Variants in BAALC observed in about 807,000 individuals in gnomAD.
BAALC encodes the protein brain and acute leukemia cytoplasmic protein.
A neutral mutation model predicts 15.5 loss-of-function variants in BAALC; 9 were observed. The ratio of observed to expected loss-of-function variants is 0.58; its 90% CI spans 0.35 to 1.02. BAALC has a LOEUF of 1.02. BAALC is among the 50% of genes least tolerant of loss of function. The pLI, the probability that BAALC is intolerant of heterozygous loss-of-function variation, is 0.02. For missense variants in BAALC, 201 were observed against 192.4 expected (o/e 1.04, Z -0.27); for synonymous variants, 80 against 74.6 (o/e 1.07, Z -0.37).
At position 103,209,312 on chromosome 8, in the gene BAALC, C is replaced by T. The variant is rs149403878; in HGVS notation, c.161-3607C>T. 8.2e-3 allele frequency among the ~76,000 whole-genome samples: 1,253 copies of T among 152,150 alleles called. 16 individuals carry two copies. Among genetic ancestry groups the T allele is most frequent in the African/African-American group, 0.028 (1,175 of 41,480 alleles). On this transcript the variant is annotated intron_variant, in intron 1 of 2. Transcript: ENST00000309982. ...GCTTGAACCCAGGAGGCAGAGGCTG[C>T]AGTGAGTTGAGATCATGCCACTGCA... is the stretch of plus-strand genomic sequence containing the variant.
intron 1 of BAALC, chr8:103,202,965 T>C (rs1233576774): frequency 6.6e-6 from 1 of 152,278 alleles, no homozygotes; most frequent in East Asian, 1.9e-4. Flanking sequence ...GTGAGATTTT[T>C]ACTTTTCCTT....
chr8:103,197,261 C>T (rs536483968), intron 1 of BAALC, among the ~76,000 whole-genome samples: 9 of 152,110 alleles, frequency 5.9e-5, no homozygotes, highest in East Asian at 1.9e-4. Flanking sequence ...CAGATCTGGG[C>T]GGAAGCCTGG....
At chr8:103,195,553 G>A (rs937761286) in intron 1 of BAALC, among the ~76,000 whole-genome samples, 7 of 152,164 alleles carry the variant, frequency 4.6e-5, no homozygotes, top group Non-Finnish European at 7.4e-5. Context: ...AACCCCTTAC[G>A]AGGAGGGAGG....
intron 1 of BAALC, among the ~76,000 whole-genome samples, chr8:103,181,324 G>A (rs748988782): frequency 3.3e-5 from 5 of 152,152 alleles, no homozygotes; most frequent in African/African-American, 4.8e-5. Flanking sequence ...CCAGGCTGGA[G>A]TGCAGTGGCG....
chr8:103,206,563 A>C (rs967465558), intron 1 of BAALC, among the ~76,000 whole-genome samples: 1 of 152,172 alleles, frequency 6.6e-6, no homozygotes, highest in Non-Finnish European at 1.5e-5. Flanking sequence ...CCGGTGGACA[A>C]GAGAGCCTGT....
chr8:103,155,268 A>G (rs1479613512), intron 1 of BAALC, among the ~76,000 whole-genome samples: 1 of 152,232 alleles, frequency 6.6e-6, no homozygotes, highest in Non-Finnish European at 1.5e-5. Flanking sequence ...CTAATATATA[A>G]CCATGATACC....
chr8:103,160,246 T>C (rs1248795921), intron 1 of BAALC, among the ~76,000 whole-genome samples: 1 of 152,166 alleles, frequency 6.6e-6, no homozygotes, highest in Non-Finnish European at 1.5e-5. Context: ...GGCCCAAGCA[T>C]AGGGGCTCAA....
At chr8:103,150,742 A>T (rs1343863252) in intron 1 of BAALC, among the ~76,000 whole-genome samples, 1 of 152,194 alleles carries the variant, frequency 6.6e-6, no homozygotes, top group Non-Finnish European at 1.5e-5. Context: ...CAGTTAGGCA[A>T]AGCTGATGCC....
At chr8:103,141,529 T>G in intron 1 of BAALC, 1 of 155,980 alleles carries the variant, frequency 6.4e-6, no homozygotes, top group Non-Finnish European at 1.4e-5. Flanking sequence ...ACAAGGCGCC[T>G]GCCTGGGATC....
At chr8:103,154,920 C>CTA (rs56402841) in intron 1 of BAALC, among the ~76,000 whole-genome samples, 3,475 of 129,888 alleles carry the variant, frequency 0.027, 41 homozygotes, top group Non-Finnish European at 0.029. Flanking sequence ...CTATCTCAAG[C>CTA]TATATATATA....
At chr8:103,176,950 C>A (rs1811619978) in intron 1 of BAALC, among the ~76,000 whole-genome samples, 1 of 152,144 alleles carries the variant, frequency 6.6e-6, no homozygotes, top group Non-Finnish European at 1.5e-5. Context: ...TTAGTTTGAG[C>A]TGGTGGGTAC....
intron 1 of BAALC, among the ~76,000 whole-genome samples, chr8:103,207,590 G>A (rs1812360068): frequency 6.6e-6 from 1 of 152,158 alleles, no homozygotes; most frequent in African/African-American, 2.4e-5. Context: ...AGGGGAAGAA[G>A]CCTTTCCTCT....
At chr8:103,217,594 C>G (rs978278713) in intron 2 of BAALC, among the ~76,000 whole-genome samples, 12 of 152,076 alleles carry the variant, frequency 7.9e-5, no homozygotes, top group African/African-American at 2.7e-4. Flanking sequence ...AGCATTTCAC[C>G]ACGCTCCCCT....
chr8:103,158,526 G>T (rs1293676506), intron 1 of BAALC, among the ~76,000 whole-genome samples: 1 of 152,044 alleles, frequency 6.6e-6, no homozygotes, highest in Non-Finnish European at 1.5e-5. Context: ...CACTACTCTT[G>T]CTTTGGTGCC....
intron 2 of BAALC, among the ~76,000 whole-genome samples, chr8:103,216,550 C>T (rs182309392): frequency 2.6e-5 from 4 of 152,214 alleles, no homozygotes; most frequent in Non-Finnish European, 4.4e-5. Context: ...TGCAGTGGTT[C>T]GGTCACTGCC....
chr8:103,173,220 C>T (rs946454536), intron 1 of BAALC, among the ~76,000 whole-genome samples: 12 of 152,186 alleles, frequency 7.9e-5, no homozygotes, highest in Admixed American at 7.9e-4. Flanking sequence ...AGGATGGGAA[C>T]TGTGTGGCCA....
intron 1 of BAALC, among the ~76,000 whole-genome samples, chr8:103,193,112 C>G (rs2130007714): frequency 6.6e-6 from 1 of 152,304 alleles, no homozygotes; most frequent in Non-Finnish European, 1.5e-5. Flanking sequence ...GCTAGCCAAG[C>G]CCCCAATTAT....
chr8:103,211,067 G>C (rs915385862), intron 1 of BAALC, among the ~76,000 whole-genome samples: 4 of 151,802 alleles, frequency 2.6e-5, no homozygotes, highest in Non-Finnish European at 5.9e-5. Context: ...CTGATGTTCT[G>C]AAACTTCACT....
intron 1 of BAALC, among the ~76,000 whole-genome samples, chr8:103,143,519 T>A (rs1162558451): frequency 6.6e-6 from 1 of 152,120 alleles, no homozygotes; most frequent in Middle Eastern, 3.2e-3. Flanking sequence ...CTACTAGAAT[T>A]CTAGAGCTGG....
Sources: gnomAD v4.1 joint callset for allele counts (sites outside exome capture counted in the v4.1 genomes callset) on GRCh38, gnomAD v4.1.1 for gene constraint, MANE v1.5 for transcripts, NCBI Gene and HGNC (gene_info 2026-07-23, HGNC 2026-07-21) for gene names.